Variants in CHRM3 observed in about 807,000 individuals in gnomAD.
CHRM3 encodes the protein cholinergic receptor muscarinic 3.
In CHRM3, 11 loss-of-function variants were observed where a neutral mutation model predicts 41.8. The observed-to-expected ratio is 0.26, with a 90% confidence interval of 0.17 to 0.44. The LOEUF (loss-of-function observed/expected upper bound fraction) is 0.44. Ranked by LOEUF, CHRM3 falls within the 20% of genes least tolerant of loss-of-function variation. The probability of loss-of-function intolerance (pLI) is 1.00; values close to 1 mark genes in which losing one functional copy is unlikely to be tolerated. For synonymous variants in CHRM3, 297 were observed against 301.4 expected, an observed-to-expected ratio of 0.99 and a Z score of 0.15; for missense variants, 571 against 745.4, an observed-to-expected ratio of 0.77 and a Z score of 2.72.
At chr1:239,450,918 G>T (rs538402114) in intron 1 of CHRM3, among the ~76,000 whole-genome samples, 4 of 152,292 alleles carry the variant, frequency 2.6e-5, no homozygotes, top group Admixed American at 6.5e-5. Context: ...GGCCAGGCAT[G>T]GTGGCTTACA....
chr1:239,881,176 G>T (rs560121569), intron 6 of CHRM3, among the ~76,000 whole-genome samples: 12 of 150,858 alleles, frequency 8.0e-5, no homozygotes, highest in Admixed American at 7.9e-4. Context: ...CCAGCTTCTC[G>T]GGAGGCTGAG....
intron 5 of CHRM3, among the ~76,000 whole-genome samples, chr1:239,773,791 C>T (rs1243995084): frequency 6.6e-6 from 1 of 152,084 alleles, no homozygotes; most frequent in Non-Finnish European, 1.5e-5. Context: ...AGAATAACTC[C>T]TGTAATTAAA....
chr1:239,592,041 G>A (rs1664216432), intron 3 of CHRM3, among the ~76,000 whole-genome samples: 1 of 152,154 alleles, frequency 6.6e-6, no homozygotes, highest in Non-Finnish European at 1.5e-5. Context: ...AAATGGTTCT[G>A]TGTTTCCAGA....
intron 2 of CHRM3, among the ~76,000 whole-genome samples, chr1:239,534,251 G>A (rs1262816733): frequency 2.0e-5 from 3 of 152,124 alleles, no homozygotes; most frequent in Non-Finnish European, 4.4e-5. Context: ...GCTTGAACCC[G>A]GGAGGCAGAA....
At chr1:239,724,087 T>A (rs113031952) in intron 5 of CHRM3, among the ~76,000 whole-genome samples, 6 of 151,860 alleles carry the variant, frequency 4.0e-5, no homozygotes, top group African/African-American at 1.4e-4. Context: ...CAAGTCAATA[T>A]TGGCCCAAAG....
Position 239,618,650 on chromosome 1 carries a change from C to T in CHRM3, c.-312-13574C>T, listed in dbSNP as rs537256959. 1.8e-4 allele frequency among the ~76,000 whole-genome samples: 27 copies of T among 151,476 alleles called. No individual in the cohort carries two copies. In the East Asian group the frequency reaches 3.2e-3, roughly 18 times the overall value. On this transcript the variant is annotated intron_variant, in intron 3 of 6. Transcript: ENST00000676153. ...ACGAGGTCAGGAGATCGAGACCATC[C>T]TGGCTAACACGGTGAAACCCCGTCT...
Position 239,618,712 on chromosome 1 carries a change from C to G in CHRM3, c.-312-13512C>G, listed in dbSNP as rs528147156. 1.3e-4 allele frequency among the ~76,000 whole-genome samples: 19 copies of G among 149,892 alleles called. No individual in the cohort carries two copies. In the South Asian group the frequency reaches 3.3e-3, roughly 26 times the overall value. On this transcript the variant is annotated intron_variant, in intron 3 of 6. Coordinates refer to ENST00000676153, the MANE Select transcript of CHRM3 (RefSeq NM_001375978.1). ...ACAAAAAATTAGCTGGGCGTGGTGG[C>G]AGCCACCTGTAGTCCCAGCTACTTG... is the stretch of plus-strand genomic sequence containing the variant.
intron 5 of CHRM3, among the ~76,000 whole-genome samples, chr1:239,751,696 G>C (rs1478189434): frequency 1.3e-5 from 2 of 152,144 alleles, no homozygotes; most frequent in East Asian, 3.9e-4. Context: ...CACTCAGTCA[G>C]ACAGATGGGG....
chr1:239,620,394 A>T (rs919626992), intron 3 of CHRM3, among the ~76,000 whole-genome samples: 2 of 152,204 alleles, frequency 1.3e-5, no homozygotes, highest in African/African-American at 4.8e-5. Flanking sequence ...ACATCTGTGA[A>T]CACTACTTTT....
intron 5 of CHRM3, among the ~76,000 whole-genome samples, chr1:239,690,163 T>A (rs1025035255): frequency 6.6e-6 from 1 of 152,180 alleles, no homozygotes; most frequent in Non-Finnish European, 1.5e-5. Flanking sequence ...CACATTTCAA[T>A]TTATTTCTCC....
At chr1:239,632,177 T>G (rs1275534308) in intron 3 of CHRM3, 47 bp from the exon 4 acceptor site, 1 of 152,260 alleles carries the variant, frequency 6.6e-6, no homozygotes, top group Non-Finnish European at 1.5e-5. Flanking sequence ...AGGGTCTTGG[T>G]TATTTGTTAA....
intron 1 of CHRM3, among the ~76,000 whole-genome samples, chr1:239,443,415 T>TA (rs57188588): frequency 0.02 from 3,039 of 152,260 alleles, 81 homozygotes; most frequent in African/African-American, 0.069. Context: ...TCAATTTCTC[T>TA]AAATAAATAA....
intron 3 of CHRM3, among the ~76,000 whole-genome samples, chr1:239,567,110 C>A (rs968550002): frequency 6.6e-6 from 1 of 151,974 alleles, no homozygotes; most frequent in Non-Finnish European, 1.5e-5. Context: ...ATTGCAATTA[C>A]CCTATTGAAA....
intron 2 of CHRM3, among the ~76,000 whole-genome samples, chr1:239,504,661 C>A (rs1668447312): frequency 6.6e-6 from 1 of 152,048 alleles, no homozygotes; most frequent in Admixed American, 6.6e-5. Context: ...TGGGACCAAC[C>A]CAAATGCCCA....
chr1:239,576,837 A>C (rs562181972), intron 3 of CHRM3, among the ~76,000 whole-genome samples: 1 of 152,164 alleles, frequency 6.6e-6, no homozygotes, highest in Non-Finnish European at 1.5e-5. Context: ...ACCGCAGACT[A>C]TAGGTGTTTC....
At chr1:239,825,337 A>G (rs1672370167) in intron 5 of CHRM3, among the ~76,000 whole-genome samples, 2 of 152,210 alleles carry the variant, frequency 1.3e-5, no homozygotes, top group African/African-American at 2.4e-5. Flanking sequence ...TTATATGCAC[A>G]ATACACATAT....
chr1:239,632,300 T>G lies in CHRM3; in HGVS notation c.-250+14T>G, dbSNP rs1669941394. ...AGGTACAATAAGGTAAGATCCTTTT[T>G]CTAGTTGAGCTATTTCCTTGAAAAG... On this transcript the variant is annotated intron_variant, in intron 4 of 6. Coordinates refer to ENST00000676153, the MANE Select transcript of CHRM3 (RefSeq NM_001375978.1). 6.6e-6 allele frequency: 1 copy of G among 152,214 alleles called. No homozygotes were observed. The highest frequency in any genetic ancestry group is 1.5e-5 in the Non-Finnish European group (1 of 68,036). 9.4% of individuals were successfully genotyped at this position (152,214 alleles called of 1,614,324 possible).
At chr1:239,705,472 A>T (rs1033859029) in intron 5 of CHRM3, 2 of 152,214 alleles carry the variant, frequency 1.3e-5, no homozygotes, top group African/African-American at 4.8e-5. Context: ...GACAGCTGTG[A>T]GGGAGAATCT....
chr1:239,565,884 T>A (rs17587022), intron 3 of CHRM3, among the ~76,000 whole-genome samples: 1 of 150,508 alleles, frequency 6.6e-6, no homozygotes, highest in Admixed American at 6.6e-5. Context: ...ATGAGCAAAA[T>A]GATTTTCACT....
Sources: allele counts gnomAD v4.1 joint callset (sites outside exome capture counted in the v4.1 genomes callset), GRCh38; gene constraint gnomAD v4.1.1; transcripts MANE v1.5; gene names NCBI Gene and HGNC (gene_info 2026-07-23, HGNC 2026-07-21).